The following PIWIL4 variants were observed in gnomAD, a reference collection of about 807,000 sequenced individuals.
The protein encoded by PIWIL4 is piwi-like protein 4.
A neutral mutation model predicts 100.9 loss-of-function variants in PIWIL4; 50 were observed. The ratio of observed to expected loss-of-function variants is 0.50; its 90% CI spans 0.39 to 0.63. The LOEUF is 0.63. Ranked by LOEUF, PIWIL4 falls within the 20% of genes least tolerant of loss-of-function variation. The pLI, the probability that PIWIL4 is intolerant of heterozygous loss-of-function variation, is 0.00. For synonymous variants in PIWIL4, 342 were observed against 367.5 expected, an observed-to-expected ratio of 0.93 and a Z score of 0.79; for missense variants, 887 against 1,043.3, an observed-to-expected ratio of 0.85 and a Z score of 2.06.
intron 8 of PIWIL4, 63 bp from the exon 9 acceptor site, chr11:94,593,434 TAGGATCACCTTGTTGAATGTA>T: frequency 7.3e-7 from 1 of 1,366,300 alleles, no homozygotes; most frequent in Non-Finnish European, 1.0e-6. Flanking sequence ...ATATTAATGT[TAGGATCACCTTGTTGAATGTA>T]AGGATGCTCA....
intron 8 of PIWIL4, 106 bp from the exon 9 acceptor site, chr11:94,593,412 A>T: frequency 1.7e-6 from 2 of 1,151,836 alleles, no homozygotes; most frequent in South Asian, 1.7e-5. Flanking sequence ...GGGATTGGTT[A>T]GATTTATTTA....
At chr11:94,575,250 C>A in intron 3 of PIWIL4, 120 bp downstream of exon 3, 1 of 1,060,840 alleles carries the variant, frequency 9.4e-7, no homozygotes, top group Non-Finnish European at 1.4e-6. Flanking sequence ...TACTGATTGT[C>A]TTCTATGTTC....
rs775403936 is a variant in PIWIL4, at chr11:94,568,743, A to G, written c.101A>G (p.Asp34Gly). 1.9e-6 allele frequency: 3 copies of G among 1,606,694 alleles called. No individual in the cohort carries two copies. In the South Asian group the frequency reaches 3.3e-5, roughly 18 times the overall value. ...TTGCCATTTTAGCCTAGATCTGTTG[A>G]TCTTAGTAACAATGAAGCATCCTCT... ...IQASPLPRSV[D>G]LSNNEASSSN... The change falls in exon 2 of 20, where the codon GAT (aspartate) becomes GGT (glycine). Residue 34 changes from aspartate to glycine, a missense_variant. Asp to Gly is a moderately conservative substitution (Grantham distance 94). This residue lies in a region of PIWIL4 where 146 missense variants were observed against 113.4 expected (regional missense o/e 1.29). Transcript: ENST00000299001.
rs1046409461 is a variant in PIWIL4, at chr11:94,591,225, A to T, written c.1026+1993A>T. Among the ~76,000 whole-genome samples the T allele has an allele frequency of 7.2e-5, 11 of 152,022 alleles. No individual in the cohort carries two copies. The East Asian group carries it at 1.9e-3, about 27-fold the overall frequency. On this transcript the variant is annotated intron_variant, in intron 8 of 19. Coordinates refer to ENST00000299001, the MANE Select transcript of PIWIL4 (RefSeq NM_152431.3). ...TCCCTCCTATGCACCCCATGCCTTTATCACCCCATCCACTCACTGGCCTAC... is the reference window on the plus strand; with the variant it reads ...TCCCTCCTATGCACCCCATGCCTTTTTCACCCCATCCACTCACTGGCCTAC...
intron 2 of PIWIL4, among the ~76,000 whole-genome samples, chr11:94,569,073 G>C (rs1948112627): frequency 6.6e-6 from 1 of 152,184 alleles, no homozygotes; most frequent in Non-Finnish European, 1.5e-5. Context: ...TTGAAAAAAT[G>C]CTTTAAAAAT....
intron 9 of PIWIL4, among the ~76,000 whole-genome samples, chr11:94,594,874 T>C (rs984109805): frequency 6.6e-6 from 1 of 152,172 alleles, no homozygotes; most frequent in Admixed American, 6.5e-5. Context: ...ATTGTAGGTC[T>C]GCAGGACCCA....
chr11:94,600,973 T>C (rs1165259550), intron 11 of PIWIL4, among the ~76,000 whole-genome samples: 2 of 151,934 alleles, frequency 1.3e-5, no homozygotes, highest in Admixed American at 1.3e-4. Context: ...TCCTGTTCTT[T>C]TTTCAAGGTG....
At chr11:94,592,085 A>G (rs552941619) in intron 8 of PIWIL4, among the ~76,000 whole-genome samples, 32 of 152,032 alleles carry the variant, frequency 2.1e-4, no homozygotes, top group Non-Finnish European at 4.3e-4. Context: ...GGCTTCCCTG[A>G]TTTGCCAGCC....
intron 2 of PIWIL4, among the ~76,000 whole-genome samples, chr11:94,572,391 G>A (rs529518520): frequency 6.7e-4 from 102 of 152,182 alleles, no homozygotes; most frequent in African/African-American, 1.9e-3. Context: ...GGTATTGCCT[G>A]GGTTTTCTTC....
chr11:94,600,209 T>C (rs932030417), intron 11 of PIWIL4, among the ~76,000 whole-genome samples: 3 of 152,220 alleles, frequency 2.0e-5, no homozygotes, highest in Non-Finnish European at 4.4e-5. Context: ...GTCTCCATCC[T>C]GGCTTCATCT....
chr11:94,614,290 TTTTTC>T (rs1193918499), intron 15 of PIWIL4, among the ~76,000 whole-genome samples: 28 of 142,322 alleles, frequency 2.0e-4, no homozygotes, highest in Non-Finnish European at 3.0e-4. Flanking sequence ...TAGTTCCTGA[TTTTTC>T]TTTTCTTTTT....
At chr11:94,568,656 C>T in intron 1 of PIWIL4, 74 bp from the exon 2 acceptor site, 2 of 1,175,036 alleles carry the variant, frequency 1.7e-6, no homozygotes, top group South Asian at 1.3e-5. Flanking sequence ...AGACCTGACA[C>T]TGTTCTTAGG....
rs538195314 is a variant in PIWIL4 at position 94,583,932 on chromosome 11, A to T, written c.635+363A>T. Among the ~76,000 whole-genome samples the T allele has an allele frequency of 1.3e-3, 193 of 152,304 alleles. 1 individual carries two copies. The highest frequency in any genetic ancestry group is 4.4e-3 in the African/African-American group (183 of 41,566). The stretch of plus-strand genomic sequence containing the variant: ...AGTTAAGTTTGGCTTAATAAACTGA[A>T]GAATTTGTTTTTCTCCTAGCCGATT... On this transcript the variant is annotated intron_variant, in intron 5 of 19. Coordinates refer to ENST00000299001, the MANE Select transcript of PIWIL4 (RefSeq NM_152431.3).
At chr11:94,574,486 C>T (rs1488202636) in intron 2 of PIWIL4, among the ~76,000 whole-genome samples, 1 of 152,166 alleles carries the variant, frequency 6.6e-6, no homozygotes, top group African/African-American at 2.4e-5. Context: ...ATTACAAGGG[C>T]AAGAACTAAC....
chr11:94,620,539 A>G (rs951811562), intron 19 of PIWIL4, among the ~76,000 whole-genome samples: 2 of 152,176 alleles, frequency 1.3e-5, no homozygotes, highest in African/African-American at 4.8e-5. Context: ...GTTCCTGTGC[A>G]TTAGGCCAAG....
intron 4 of PIWIL4, among the ~76,000 whole-genome samples, chr11:94,580,229 C>T (rs902352103): frequency 3.3e-5 from 5 of 152,182 alleles, no homozygotes; most frequent in African/African-American, 1.2e-4. Flanking sequence ...TTCTTATAAA[C>T]ATATGACCTG....
intron 2 of PIWIL4, among the ~76,000 whole-genome samples, chr11:94,569,943 C>A (rs1948127217): frequency 6.6e-6 from 1 of 152,062 alleles, no homozygotes; most frequent in African/African-American, 2.4e-5. Context: ...TGCTCTTATG[C>A]CTTAAATGTA....
chr11:94,619,938 T>C, intron 18 of PIWIL4, 53 bp downstream of exon 18: 2 of 1,614,138 alleles, frequency 1.2e-6, no homozygotes, highest in Non-Finnish European at 1.7e-6. Flanking sequence ...GCGTCCAGTT[T>C]ATGTTTGACC....
rs1364604858 is a variant in PIWIL4, at chr11:94,601,946, G to T, written c.1532G>T (p.Gly511Val). Residue 511 changes from glycine to valine, a missense_variant, in exon 12 of 20, where the codon GGT (glycine) becomes GTT (valine). This residue lies in a region of PIWIL4 where 741 missense variants were observed against 930.0 expected (regional missense o/e 0.80). Coordinates refer to ENST00000299001, the MANE Select transcript of PIWIL4 (RefSeq NM_152431.3). ...SFLNCLRRVA[G>V]SMGFNVDYPK... ...CTGAACTGCTTGAGAAGAGTTGCAG[G>T]TTCCATGGGATTTAATGTGGACTAC... 1 of 1,611,900 alleles carries T rather than the reference G, an allele frequency of 6.2e-7. No individual in the cohort carries two copies. The highest frequency in any genetic ancestry group is 1.1e-5 in the South Asian group (1 of 90,458).
Sources: allele counts gnomAD v4.1 joint callset (sites outside exome capture counted in the v4.1 genomes callset), GRCh38; gene constraint gnomAD v4.1.1; regional missense constraint gnomAD v4.1.1; transcripts MANE v1.5; gene names NCBI Gene and HGNC (gene_info 2026-07-23, HGNC 2026-07-21).